The following SNX8 variants were observed in gnomAD, a reference collection of about 807,000 sequenced individuals.
SNX8 encodes the protein sorting nexin-8.
A neutral mutation model predicts 51.6 loss-of-function variants in SNX8; 25 were observed. The ratio of observed to expected loss-of-function variants is 0.48; its 90% confidence interval spans 0.35 to 0.68. The LOEUF (loss-of-function observed/expected upper bound fraction) is 0.68, where lower values mean the gene tolerates loss of function less well. Ranked by LOEUF, SNX8 falls within the 30% of genes least tolerant of loss-of-function variation. SNX8 has a pLI of 0.00. For synonymous variants in SNX8, 324 were observed against 277.0 expected, an observed-to-expected ratio of 1.17 and a Z score of -1.68; for missense variants, 695 against 624.0, an observed-to-expected ratio of 1.11 and a Z score of -1.21.
At chr7:2,263,533 G>A (rs552769260) in intron 6 of SNX8, among the ~76,000 whole-genome samples, 171 bp from the exon 7 acceptor site, 3 of 152,298 alleles carry the variant, frequency 2.0e-5, no homozygotes, top group Admixed American at 6.5e-5. Flanking sequence ...CCGGGAGAAA[G>A]GGTGGCCCTG....
rs539179689 is a variant in SNX8 at position 2,345,911 on chromosome 7, G to A, written c.-66+8311C>T. On this transcript the variant is annotated intron_variant, in intron 1 of 5. Coordinates refer to the SNX8 transcript ENST00000435336. ...CAACTTCCACCTCCTGGGTTCAAGC[G>A]ATTCTCCTACCTCAGCCTCCCGAGT... 4.1e-3 allele frequency among the ~76,000 whole-genome samples: 629 copies of A among 152,000 alleles called. 5 individuals are homozygous for A. The highest frequency in any genetic ancestry group is 0.014 in the African/African-American group (576 of 41,502).
At chr7:2,329,142 G>T (rs1021210820) in intron 1 of SNX8, among the ~76,000 whole-genome samples, 1 of 150,894 alleles carries the variant, frequency 6.6e-6, no homozygotes, top group Non-Finnish European at 1.5e-5. Context: ...GTGGTGGCAG[G>T]CACCTGTAAT....
chr7:2,268,276 T>A (rs1327569426), intron 5 of SNX8, among the ~76,000 whole-genome samples: 1 of 127,356 alleles, frequency 7.9e-6, no homozygotes. Context: ...GGCCGCCCCG[T>A]CTGAGAAGTG....
intron 1 of SNX8, among the ~76,000 whole-genome samples, chr7:2,351,857 G>T (rs6970771): frequency 1.4e-5 from 2 of 145,152 alleles, no homozygotes; most frequent in African/African-American, 2.6e-5. Flanking sequence ...AATAAATAAA[G>T]ATAATAATAA....
Position 2,254,725 on chromosome 7 carries a change from G to GC in SNX8, c.*330dup, listed in dbSNP as rs1326576742. The GC allele has an allele frequency of 2.7e-6, 1 of 364,240 alleles. No homozygotes were observed. The highest frequency in any genetic ancestry group is 5.1e-6 in the Non-Finnish European group (1 of 196,020). The allele number at this position is 364,240 out of a possible 1,614,324, so 22.6% of individuals were successfully genotyped here. A position where few individuals can be genotyped will look rare whatever the true frequency, so the allele number is the denominator to read the frequency against. ...GACTGTTCCAGCACCTGGAGGCCCT[G>GC]CCTCCACGCTCCCCCAGGCACAATC... On this transcript the variant is annotated 3_prime_UTR_variant, in exon 11 of 11. Transcript: ENST00000222990.
chr7:2,271,790 CGGGTCCGGA>C (rs1795649549), intron 4 of SNX8, 51 bp downstream of exon 4: 1 of 1,540,324 alleles, frequency 6.5e-7, no homozygotes, highest in African/African-American at 1.4e-5. Flanking sequence ...GAGGAAAAGG[CGGGTCCGGA>C]GGCTCGGGGA....
intron 1 of SNX8, among the ~76,000 whole-genome samples, chr7:2,307,368 C>T (rs1468958960): frequency 6.6e-6 from 1 of 151,896 alleles, no homozygotes; most frequent in Non-Finnish European, 1.5e-5. Flanking sequence ...TGCAGTGGCT[C>T]ACGCCTGTAA....
chr7:2,289,654 C>T (rs1363736588), intron 1 of SNX8, among the ~76,000 whole-genome samples: 1 of 152,148 alleles, frequency 6.6e-6, no homozygotes, highest in Admixed American at 6.6e-5. Context: ...GATACATTCA[C>T]TAGATTGCCA....
intron 1 of SNX8, among the ~76,000 whole-genome samples, chr7:2,308,595 G>A (rs1167752659): frequency 2.1e-5 from 3 of 145,456 alleles, no homozygotes; most frequent in African/African-American, 7.6e-5. Context: ...GAACCTAGGA[G>A]ATGGAGGTTG....
At chr7:2,292,124 G>A (rs1398715477) in intron 1 of SNX8, among the ~76,000 whole-genome samples, 6 of 152,040 alleles carry the variant, frequency 3.9e-5, no homozygotes, top group African/African-American at 9.7e-5. Context: ...TTAGCCAGGC[G>A]TGGTGGTGCA....
chr7:2,337,891 C>T (rs1404716007), intron 1 of SNX8, among the ~76,000 whole-genome samples: 1 of 147,674 alleles, frequency 6.8e-6, no homozygotes, highest in Non-Finnish European at 1.5e-5. Context: ...CCTAGAGCAA[C>T]CATTATATCA....
chr7:2,268,177 C>T (rs1795529014), intron 5 of SNX8, among the ~76,000 whole-genome samples: 4 of 137,108 alleles, frequency 2.9e-5, no homozygotes, highest in South Asian at 4.9e-4. Context: ...GGGCGTCAGC[C>T]CTCCGCCCGG....
chr7:2,335,619 G>A lies in SNX8; in HGVS notation c.-66+18603C>T, dbSNP rs1025128641. ...AGATCTAGACCATCCTGGTTAACAC[G>A]GTGAAACCCCGTCTCTACTAAAAAT... is the stretch of plus-strand genomic sequence containing the variant. On this transcript the variant is annotated intron_variant, in intron 1 of 5. Transcript: ENST00000435336. Among the ~76,000 whole-genome samples the A allele has an allele frequency of 7.9e-5, 12 of 152,002 alleles. No homozygotes were observed. The South Asian group carries it at 1.9e-3, about 24-fold the overall frequency.
chr7:2,257,125 C>G lies in SNX8; in HGVS notation c.1135-102G>C, dbSNP rs558287847. 9 of 1,356,330 alleles carry G rather than the reference C, an allele frequency of 6.6e-6. No homozygotes were observed. The East Asian group carries it at 2.0e-4, about 30-fold the overall frequency. The allele number at this position is 1,356,330 out of a possible 1,614,324, so 84.0% of individuals were successfully genotyped here. Reference sequence around the variant, plus strand: ...CCCTGAGCCAGGGCGGCCCCTTCTCCTTCAGCCTTCACCAGGCATTTGGAA... The same window carrying G: ...CCCTGAGCCAGGGCGGCCCCTTCTCGTTCAGCCTTCACCAGGCATTTGGAA... On this transcript the variant is annotated intron_variant, in intron 9 of 10. Coordinates refer to ENST00000222990, the MANE Select transcript of SNX8 (RefSeq NM_013321.4).
intron 1 of SNX8, among the ~76,000 whole-genome samples, chr7:2,322,111 G>A (rs1778532230): frequency 6.6e-6 from 1 of 152,148 alleles, no homozygotes; most frequent in African/African-American, 2.4e-5. Flanking sequence ...TTCACATGTA[G>A]TGCTTTTCAT....
At chr7:2,290,703 G>C (rs558306211) in intron 1 of SNX8, among the ~76,000 whole-genome samples, 8 of 152,162 alleles carry the variant, frequency 5.3e-5, no homozygotes, top group Non-Finnish European at 4.4e-5. Context: ...TGGTGATGGG[G>C]ACCGCGCCTC....
At chr7:2,261,775 C>T (rs1795342493) in intron 7 of SNX8, among the ~76,000 whole-genome samples, 1 of 152,214 alleles carries the variant, frequency 6.6e-6, no homozygotes, top group South Asian at 2.1e-4. Flanking sequence ...AGACTTTCCA[C>T]ACCAGCAAAG....
At position 2,278,232 on chromosome 7, in the gene SNX8, C is replaced by T. The variant is rs1795828336; in HGVS notation, c.168G>A (p.Met56Ile). 1 of 1,612,024 alleles carries T rather than the reference C, an allele frequency of 6.2e-7. No homozygotes were observed. The highest frequency in any genetic ancestry group is 8.5e-7 in the Non-Finnish European group (1 of 1,178,678). ...QQVPAPSRMQ[M>I]PQGNPLLLSH... ...ACAGCAGCAGCGGGTTCCCCTGCGGCATCTGCATTCGACTGGGGGCTGGGA... is the reference window on the plus strand; with the variant it reads ...ACAGCAGCAGCGGGTTCCCCTGCGGTATCTGCATTCGACTGGGGGCTGGGA... The change falls in exon 2 of 11, where the codon ATG becomes ATA. Residue 56 changes from methionine (M) to isoleucine (I), a missense_variant. By Grantham distance (10) the Met-to-Ile change is conservative (BLOSUM62 1). Transcript: ENST00000222990.
At chr7:2,307,196 A>G (rs1796561427) in intron 1 of SNX8, among the ~76,000 whole-genome samples, 1 of 151,718 alleles carries the variant, frequency 6.6e-6, no homozygotes, top group Non-Finnish European at 1.5e-5. Flanking sequence ...AAGGGACCCT[A>G]CCTGATATTT....
Sources: allele counts gnomAD v4.1 joint callset (sites outside exome capture counted in the v4.1 genomes callset), GRCh38; gene constraint gnomAD v4.1.1; transcripts MANE v1.5; gene names NCBI Gene and HGNC (gene_info 2026-07-23, HGNC 2026-07-21).